KLC1: variants seen among roughly 807,000 people sequenced by gnomAD.
KLC1 encodes kinesin 2 60/70kDa.
In KLC1, 30 loss-of-function variants were observed where a neutral mutation model predicts 84.2. The observed-to-expected ratio is 0.36, with a 90% confidence interval of 0.27 to 0.48. The LOEUF is 0.48. Among genes scored for constraint, KLC1 ranks in the 20% least tolerant of loss-of-function variants. The pLI is 0.99. For synonymous variants in KLC1, 289 were observed against 293.3 expected, an observed-to-expected ratio of 0.99 and a Z score of 0.15; for missense variants, 499 against 805.4, an observed-to-expected ratio of 0.62 and a Z score of 4.60.
chr14:103,657,441 T>A, intron 2 of KLC1, 105 bp from the exon 3 acceptor site: 1 of 764,724 alleles, frequency 1.3e-6, no homozygotes, highest in Admixed American at 2.5e-5. Flanking sequence ...GGAGAAAATA[T>A]CTGCGAGTGT....
At chr14:103,695,231 A>T in intron 15 of KLC1, 1 of 735,946 alleles carries the variant, frequency 1.4e-6, no homozygotes, top group Non-Finnish European at 1.7e-6. Context: ...TGGGAGGCTG[A>T]GGCGGGAGGA....
chr14:103,677,971 TA>T (rs34560300), intron 12 of KLC1, among the ~76,000 whole-genome samples: 78,286 of 136,182 alleles, frequency 0.57, 23,377 homozygotes, highest in Non-Finnish European at 0.71. Context: ...CGTCTCAATT[TA>T]AAAAAAAAAA....
In KLC1 at chr14:103,669,437, A is replaced by AAAAAGAAAAAG. The variant is rs145739696; in HGVS notation, c.798-65_798-64insAGAAAAGAAAA. 8.2e-6 allele frequency: 7 copies of AAAAAGAAAAAG among 857,754 alleles called. No homozygotes were observed. The Admixed American group carries it at 8.8e-5, about 11-fold the overall frequency. 53.1% of individuals were successfully genotyped at this position (857,754 alleles called of 1,614,324 possible). A position where few individuals can be genotyped will look rare whatever the true frequency, so the allele number is the denominator to read the frequency against. ...CAACAGAGTCAGACTCTGTCTAAAA[A>AAAAAGAAAAAG]AAAAGAAAAGAAAAGAAAAGAAAAG... On this transcript the variant is annotated intron_variant, in intron 5 of 16. Coordinates refer to ENST00000334553, the MANE Select transcript of KLC1 (RefSeq NM_001394837.1).
intron 15 of KLC1, chr14:103,698,897 G>C (rs748729904): frequency 6.2e-7 from 1 of 1,602,664 alleles, no homozygotes; most frequent in Non-Finnish European, 8.5e-7. Context: ...GCACCCGCAG[G>C]GTCCGGGCTG....
At chr14:103,645,843 C>T (rs928931164) in intron 1 of KLC1, among the ~76,000 whole-genome samples, 21 of 151,444 alleles carry the variant, frequency 1.4e-4, no homozygotes, top group Non-Finnish European at 2.5e-4. Context: ...CTGCAAGTTC[C>T]GCCTTCTGGG....
At chr14:103,678,594 G>T (rs1264381437) in intron 12 of KLC1, among the ~76,000 whole-genome samples, 1 of 151,988 alleles carries the variant, frequency 6.6e-6, no homozygotes, top group Non-Finnish European at 1.5e-5. Context: ...GGAGTCTGAG[G>T]TGGGAGGATC....
chr14:103,699,419 G>T (rs766900735), intron 15 of KLC1: 1 of 1,612,510 alleles, frequency 6.2e-7, no homozygotes, highest in Non-Finnish European at 8.5e-7. Context: ...ACGCAGCGTG[G>T]CCCCCAGGGA....
intron 5 of KLC1, among the ~76,000 whole-genome samples, chr14:103,664,402 T>A (rs1459139398): frequency 2.6e-5 from 4 of 152,130 alleles, no homozygotes; most frequent in Non-Finnish European, 4.4e-5. Context: ...TCCTTCTGTC[T>A]CGGCCTCCCA....
Position 103,689,918 on chromosome 14 carries a change from G to A in KLC1, c.1782-2441G>A, listed in dbSNP as rs1435653681. On this transcript the variant is annotated intron_variant, in intron 14 of 16. Coordinates refer to ENST00000334553, the MANE Select transcript of KLC1 (RefSeq NM_001394837.1). ...AATGGCGGCCGGTGCAGTGGCTGAT[G>A]CCTGTAATCCCAGCACTTTGGGAGG... Among the ~76,000 whole-genome samples the A allele has an allele frequency of 2.6e-5, 4 of 152,212 alleles. 1 individual carries two copies. The highest frequency in any genetic ancestry group is 5.9e-5 in the Non-Finnish European group (4 of 68,042).
rs751959603 is a variant in KLC1 at position 103,699,180 on chromosome 14, C to T, written c.1849-1475C>T. On this transcript the variant is annotated intron_variant, in intron 15 of 16. Coordinates refer to ENST00000334553, the MANE Select transcript of KLC1 (RefSeq NM_001394837.1). Reference sequence around the variant, plus strand: ...CCTGCTCCTCCATGGCCTCTGTCACCTGGAAGAGCACAGTCCAGGTCAGCT... The same window carrying T: ...CCTGCTCCTCCATGGCCTCTGTCACTTGGAAGAGCACAGTCCAGGTCAGCT... The T allele has an allele frequency of 7.0e-6, 11 of 1,562,474 alleles. No individual in the cohort carries two copies. In the South Asian group the frequency reaches 1.3e-4, roughly 18 times the overall value.
Position 103,700,717 on chromosome 14 carries a change from C to G in KLC1, c.1911C>G (p.Arg637=), listed in dbSNP as rs200293176. 1 of 1,600,362 alleles carries G rather than the reference C, an allele frequency of 6.2e-7. No individual in the cohort carries two copies. Among genetic ancestry groups the G allele is most frequent in the East Asian group, 2.3e-5 (1 of 43,936 alleles). Residue 637 remains arginine (R), a synonymous_variant, in exon 16 of 17, where the codon CGC becomes CGG. Transcript: ENST00000334553. ...AGCAGCAGCAGTGGCCTGGAAGACGCCACCGCTAACGTGAGTCCCACGGCC... is the reference window on the plus strand; with the variant it reads ...AGCAGCAGCAGTGGCCTGGAAGACGGCACCGCTAACGTGAGTCCCACGGCC... ...KRQQQQWPGR[R]HR is the part of the protein sequence containing the mutation.
chr14:103,699,374 C>G, intron 15 of KLC1: 1 of 1,607,486 alleles, frequency 6.2e-7, no homozygotes, highest in Non-Finnish European at 8.5e-7. Context: ...CTGGTTGATG[C>G]ACAGCACAGG....
chr14:103,647,427 G>A (rs1804600568), intron 1 of KLC1, among the ~76,000 whole-genome samples: 1 of 151,708 alleles, frequency 6.6e-6, no homozygotes, highest in South Asian at 2.1e-4. Context: ...ATGGGGTTTT[G>A]CCATGTTGAC....
intron 15 of KLC1, chr14:103,696,035 A>C (rs1245890396): frequency 2.0e-6 from 2 of 982,956 alleles, no homozygotes; most frequent in Admixed American, 6.3e-5. Flanking sequence ...GGTGAGAGGA[A>C]CCCCACGCGA....
At chr14:103,671,725 A>G (rs78239113) in intron 7 of KLC1, among the ~76,000 whole-genome samples, 2,477 of 152,302 alleles carry the variant, frequency 0.016, 64 homozygotes, top group African/African-American at 0.056. Context: ...AGTGATTCTT[A>G]TCAGTTAATT....
intron 1 of KLC1, among the ~76,000 whole-genome samples, chr14:103,650,537 A>G (rs1250925701): frequency 6.6e-6 from 1 of 151,968 alleles, no homozygotes; most frequent in East Asian, 1.9e-4. Context: ...CCTTGCAGAA[A>G]TCAGTAAATC....
intron 1 of KLC1, among the ~76,000 whole-genome samples, chr14:103,634,322 A>C (rs1368473353): frequency 2.0e-5 from 3 of 152,160 alleles, no homozygotes; most frequent in Admixed American, 2.0e-4. Flanking sequence ...GAAGGAATGC[A>C]TCTAGAATGA....
rs573015445 is a variant in KLC1, at chr14:103,694,321, G to A, written c.1848+1896G>A. The A allele has an allele frequency of 2.5e-5, 24 of 941,276 alleles. No homozygotes were observed. In the South Asian group the frequency reaches 1.0e-3, roughly 41 times the overall value. 58.3% of individuals were successfully genotyped at this position (941,276 alleles called of 1,614,324 possible). ...GGCTGGAGCGCAGTGGCCCAATCTC[G>A]GCCCACTGCAAGCTCCACCTCCTGG... is the stretch of plus-strand genomic sequence containing the variant. On this transcript the variant is annotated intron_variant, in intron 15 of 16. Transcript: ENST00000334553. The surrounding 1 kb of genome is among the most constrained non-coding windows in gnomAD (Gnocchi z 4.5).
At chr14:103,679,231 C>G in intron 12 of KLC1, 153 bp from the exon 13 acceptor site, 1 of 987,032 alleles carries the variant, frequency 1.0e-6, no homozygotes, top group African/African-American at 1.6e-5. Flanking sequence ...CGCCTCCACC[C>G]TCACCCCCTC....
Sources: gnomAD v4.1 joint callset for allele counts (sites outside exome capture counted in the v4.1 genomes callset) on GRCh38, gnomAD v4.1.1 for gene constraint, Gnocchi (gnomAD v3.1) non-coding constraint, MANE v1.5 for transcripts, NCBI Gene and HGNC (gene_info 2026-07-23, HGNC 2026-07-21) for gene names.